Variants in GPHN observed in about 807,000 individuals in gnomAD.
The protein encoded by GPHN is gephyrin.
Under a neutral mutation model 95.5 loss-of-function variants are expected in GPHN, and 17 were observed. That is an observed-to-expected ratio of 0.18 (90% CI 0.12 to 0.27). GPHN has a LOEUF of 0.27. Ranked by LOEUF, GPHN falls within the 10% of genes least tolerant of loss-of-function variation. The pLI, the probability that GPHN is intolerant of heterozygous loss-of-function variation, is 1.00. For missense variants in GPHN, 660 were observed against 978.1 expected, an observed-to-expected ratio of 0.67 and a Z score of 4.34; for synonymous variants, 320 against 322.5, an observed-to-expected ratio of 0.99 and a Z score of 0.08.
the GPHN span, among the ~76,000 whole-genome samples, chr14:67,679,594 G>A: frequency 3.9e-5 from 6 of 152,258 alleles, no homozygotes; most frequent in East Asian, 1.9e-4. Context: ...AGTAGAGACA[G>A]GGTTTTGCCA....
the GPHN span, among the ~76,000 whole-genome samples, chr14:67,632,201 A>C: frequency 1.3e-5 from 2 of 152,044 alleles, no homozygotes; most frequent in South Asian, 4.1e-4. Context: ...CTTTATCTCT[A>C]ATACTTATTT....
intron 1 of GPHN, among the ~76,000 whole-genome samples, chr14:66,576,702 G>A (rs888475583): frequency 5.3e-5 from 8 of 152,066 alleles, no homozygotes; most frequent in East Asian, 3.9e-4. Context: ...ATACCTTCAC[G>A]TCAATCCCTT....
chr14:67,212,406 T>C, the GPHN span, among the ~76,000 whole-genome samples: 5 of 151,370 alleles, frequency 3.3e-5, no homozygotes, highest in African/African-American at 4.9e-5. Context: ...TGGGCAACAT[T>C]GCAAAACCCT....
At chr14:67,192,994 ATCTC>A in the GPHN span, among the ~76,000 whole-genome samples, 2 of 146,362 alleles carry the variant, frequency 1.4e-5, no homozygotes, top group Non-Finnish European at 3.0e-5. Flanking sequence ...CTCTCTATAT[ATCTC>A]TATATATCAA....
the GPHN span, among the ~76,000 whole-genome samples, chr14:67,414,292 C>T: frequency 6.6e-6 from 1 of 152,226 alleles, no homozygotes; most frequent in African/African-American, 2.4e-5. Flanking sequence ...TAGGAAACCC[C>T]TGGTCCAGCC....
the GPHN span, among the ~76,000 whole-genome samples, chr14:67,639,908 G>A: frequency 7.7e-6 from 1 of 130,500 alleles, no homozygotes; most frequent in South Asian, 2.6e-4. Context: ...CTGCATGATA[G>A]CGCAAGACCC....
At chr14:67,488,205 T>C in the GPHN span, among the ~76,000 whole-genome samples, 2 of 152,226 alleles carry the variant, frequency 1.3e-5, no homozygotes, top group Non-Finnish European at 2.9e-5. Flanking sequence ...TCTGTGCTGA[T>C]GCCCATGTCC....
At chr14:66,775,238 G>T (rs2059338588) in intron 2 of GPHN, among the ~76,000 whole-genome samples, 1 of 151,986 alleles carries the variant, frequency 6.6e-6, no homozygotes, top group Non-Finnish European at 1.5e-5. Flanking sequence ...AAAGGGTCCA[G>T]AATACATAAG....
At chr14:67,284,547 TAAAAAAAAAAAAAAAAAAA>T in the GPHN span, among the ~76,000 whole-genome samples, 152 of 23,302 alleles carry the variant, frequency 6.5e-3, no homozygotes, top group African/African-American at 0.014. Flanking sequence ...GCTGCAGTGC[TAAAAAAAAAAAAAAAAAAA>T]AAAAAAAAAA....
At chr14:67,619,973 G>C in the GPHN span, 2 of 1,581,530 alleles carry the variant, frequency 1.3e-6, no homozygotes, top group Non-Finnish European at 1.7e-6. Flanking sequence ...TCAGTGCTGC[G>C]GATCATGTCC....
At chr14:67,486,397 C>G in the GPHN span, among the ~76,000 whole-genome samples, 1 of 152,252 alleles carries the variant, frequency 6.6e-6, no homozygotes, top group Non-Finnish European at 1.5e-5. Flanking sequence ...GCCTCAGCCT[C>G]CTGAATAGCT....
chr14:67,427,077 G>A, the GPHN span, among the ~76,000 whole-genome samples: 1 of 151,864 alleles, frequency 6.6e-6, no homozygotes, highest in Admixed American at 6.6e-5. Context: ...TGTCGCGCGG[G>A]GGAGGGAGGG....
chr14:67,116,477 A>T (rs1440689181), intron 16 of GPHN, among the ~76,000 whole-genome samples: 1 of 152,154 alleles, frequency 6.6e-6, no homozygotes, highest in African/African-American at 2.4e-5. Flanking sequence ...TTATTCATGT[A>T]ACCAGATACC....
At chr14:66,651,134 T>C (rs2065020646) in intron 1 of GPHN, among the ~76,000 whole-genome samples, 1 of 152,156 alleles carries the variant, frequency 6.6e-6, no homozygotes, top group Non-Finnish European at 1.5e-5. Flanking sequence ...CAAGAGCCGC[T>C]TCAGAGATTT....
At chr14:67,336,738 G>T in the GPHN span, 3 of 455,830 alleles carry the variant, frequency 6.6e-6, no homozygotes, top group African/African-American at 4.0e-5. Flanking sequence ...AGTTCAGCAG[G>T]CTGTTGGGAA....
Position 67,122,248 on chromosome 14 carries a change from C to G in GPHN, c.1627-8C>G. 6.2e-7 allele frequency: 1 copy of G among 1,612,984 alleles called. No individual in the cohort carries two copies. Among genetic ancestry groups the G allele is most frequent in the South Asian group, 1.1e-5 (1 of 91,050 alleles). On this transcript the variant is annotated splice_region_variant and splice_polypyrimidine_tract_variant and intron_variant, in intron 16 of 22. Transcript: ENST00000478722. Reference sequence around the variant, plus strand: ...AGAATAATTTGTGGTGGTTTTTTGGCTTTGTAGCTGCTAAATCCTGAAGAT... The same window carrying G: ...AGAATAATTTGTGGTGGTTTTTTGGGTTTGTAGCTGCTAAATCCTGAAGAT...
rs138473474 is a variant in GPHN, at chr14:66,822,113, G to A, written c.202-2361G>A. On this transcript the variant is annotated intron_variant, in intron 3 of 22. Coordinates refer to ENST00000478722, the MANE Select transcript of GPHN (RefSeq NM_020806.5). ...ATTAGAGGCACCCACCACCGTGCCCGGCCAATTTTTGTATTTTTAGTAGAG... is the reference window on the plus strand; with the variant it reads ...ATTAGAGGCACCCACCACCGTGCCCAGCCAATTTTTGTATTTTTAGTAGAG... 4.3e-4 allele frequency among the ~76,000 whole-genome samples: 66 copies of A among 152,102 alleles called. 3 individuals are homozygous for A. The East Asian group carries it at 9.7e-3, about 22-fold the overall frequency.
chr14:67,316,679 A>T, the GPHN span, among the ~76,000 whole-genome samples: 6 of 152,212 alleles, frequency 3.9e-5, no homozygotes, highest in African/African-American at 1.4e-4. Flanking sequence ...AGGCTTACAC[A>T]TCATAGCTGA....
the GPHN span, chr14:67,200,075 C>CTGGA: frequency 2.1e-6 from 2 of 969,594 alleles, no homozygotes; most frequent in Non-Finnish European, 3.1e-6. Flanking sequence ...CAACCACCAC[C>CTGGA]TGGAATGCCT....
Sources: allele counts gnomAD v4.1 joint callset (sites outside exome capture counted in the v4.1 genomes callset), GRCh38; gene constraint gnomAD v4.1.1; transcripts MANE v1.5; gene names NCBI Gene and HGNC (gene_info 2026-07-23, HGNC 2026-07-21).